YTHDF3: variants seen among roughly 807,000 people sequenced by gnomAD.
YTHDF3 encodes YTH N6-methyladenosine RNA binding protein F3, also known as YTH domain-containing family protein 3.
YTHDF3 carries 9 observed loss-of-function variants against 52.5 expected under a neutral mutation model. That is an observed-to-expected ratio of 0.17 (90% CI 0.10 to 0.30). The LOEUF is 0.30. Among genes scored for constraint, YTHDF3 ranks in the 10% least tolerant of loss-of-function variants. The pLI is 1.00. For missense variants in YTHDF3, 534 were observed against 715.0 expected (o/e 0.75, Z 2.89); for synonymous variants, 274 against 243.3 (o/e 1.13, Z -1.18).
chr8:63,171,267 C>G (rs1317062846), intron 2 of YTHDF3, among the ~76,000 whole-genome samples: 2 of 152,100 alleles, frequency 1.3e-5, no homozygotes, highest in African/African-American at 4.8e-5. Flanking sequence ...CAGAATCTCC[C>G]CTCTATAAAA....
At chr8:63,204,969 C>G (rs912609361) in intron 4 of YTHDF3, among the ~76,000 whole-genome samples, 5 of 152,136 alleles carry the variant, frequency 3.3e-5, no homozygotes, top group African/African-American at 1.2e-4. Flanking sequence ...TGAAGAAAGT[C>G]TTGGTTTTCA....
chr8:63,188,145 A>T (rs1808651301), intron 4 of YTHDF3, among the ~76,000 whole-genome samples: 1 of 151,886 alleles, frequency 6.6e-6, no homozygotes, highest in Non-Finnish European at 1.5e-5. Context: ...TTTTTTTGAG[A>T]TGACATCTTG....
intron 4 of YTHDF3, among the ~76,000 whole-genome samples, chr8:63,192,322 C>T (rs1808964836): frequency 6.6e-6 from 1 of 152,172 alleles, no homozygotes; most frequent in Non-Finnish European, 1.5e-5. Flanking sequence ...CTTTTACCCT[C>T]CCCACCCCGT....
At chr8:63,173,669 C>T in intron 2 of YTHDF3, 4 of 985,116 alleles carry the variant, frequency 4.1e-6, no homozygotes, top group Non-Finnish European at 4.8e-6. Flanking sequence ...AAGCCAGTGT[C>T]AGAGGAGAAC....
intron 4 of YTHDF3, among the ~76,000 whole-genome samples, chr8:63,204,360 TG>T (rs375868007): frequency 6.6e-6 from 1 of 150,530 alleles, no homozygotes; most frequent in Non-Finnish European, 1.5e-5. Context: ...GTGTGTTTGT[TG>T]TTTTTTTTTT....
At chr8:63,170,750 G>T (rs1224449687) in intron 2 of YTHDF3, among the ~76,000 whole-genome samples, 1 of 152,086 alleles carries the variant, frequency 6.6e-6, no homozygotes, top group Non-Finnish European at 1.5e-5. Context: ...TAGATCTGTG[G>T]GGAGGTGGCA....
At chr8:63,188,400 C>T (rs1808669100) in intron 4 of YTHDF3, among the ~76,000 whole-genome samples, 1 of 150,874 alleles carries the variant, frequency 6.6e-6, no homozygotes, top group South Asian at 2.1e-4. Flanking sequence ...GAACATGGCT[C>T]ACTGCAGCCT....
At chr8:63,170,201 C>T (rs1326234394) in intron 2 of YTHDF3, among the ~76,000 whole-genome samples, 1 of 152,084 alleles carries the variant, frequency 6.6e-6, no homozygotes, top group African/African-American at 2.4e-5. Flanking sequence ...AACATCAGAG[C>T]AAATTATATA....
chr8:63,207,662 G>T (rs1810118513), intron 4 of YTHDF3, among the ~76,000 whole-genome samples: 1 of 151,996 alleles, frequency 6.6e-6, no homozygotes, highest in East Asian at 1.9e-4. Context: ...CATAACATGT[G>T]GTCCTCATTG....
At chr8:63,178,986 AT>A (rs1156267636) in intron 3 of YTHDF3, among the ~76,000 whole-genome samples, 1 of 152,150 alleles carries the variant, frequency 6.6e-6, no homozygotes, top group Admixed American at 6.5e-5. Flanking sequence ...CATTTATCTG[AT>A]TTTAAAATTA....
chr8:63,192,150 C>T (rs1808953688), intron 4 of YTHDF3, among the ~76,000 whole-genome samples: 1 of 152,148 alleles, frequency 6.6e-6, no homozygotes, highest in South Asian at 2.1e-4. Flanking sequence ...TTTTTCCATG[C>T]TTCCCCCATG....
chr8:63,202,131 T>C (rs1277875352), intron 4 of YTHDF3, among the ~76,000 whole-genome samples: 7 of 152,248 alleles, frequency 4.6e-5, no homozygotes, highest in Non-Finnish European at 1.0e-4. Context: ...CTGGATAATT[T>C]TGCAATGCTA....
chr8:63,168,718 A>C lies in YTHDF3; in HGVS notation c.-160A>C. The C allele has an allele frequency of 2.8e-6, 4 of 1,411,002 alleles. No homozygotes were observed. The highest frequency in any genetic ancestry group is 3.9e-6 in the Non-Finnish European group (4 of 1,033,070). 87.4% of individuals were successfully genotyped at this position (1,411,002 alleles called of 1,614,324 possible). ...CGGAAAAGACGGGCCTCTTCCTCCG[A>C]CTCCCGAGCGCGAGGCCCTCATTTT... On this transcript the variant is annotated 5_prime_UTR_variant, in exon 1 of 5. Coordinates refer to ENST00000539294, the MANE Select transcript of YTHDF3 (RefSeq NM_152758.6).
At chr8:63,171,613 T>C (rs574822975) in intron 2 of YTHDF3, among the ~76,000 whole-genome samples, 4 of 152,334 alleles carry the variant, frequency 2.6e-5, no homozygotes, top group South Asian at 4.1e-4. Flanking sequence ...GAACCTGATA[T>C]AAGTAGCTAT....
intron 2 of YTHDF3, among the ~76,000 whole-genome samples, chr8:63,174,689 T>A (rs1443807967): frequency 2.0e-5 from 3 of 152,200 alleles, no homozygotes; most frequent in African/African-American, 7.2e-5. Context: ...TGGCTATCTT[T>A]TGTGTCTTAA....
intron 4 of YTHDF3, among the ~76,000 whole-genome samples, chr8:63,203,376 A>G (rs1025699886): frequency 1.3e-5 from 2 of 152,152 alleles, no homozygotes; most frequent in Non-Finnish European, 2.9e-5. Context: ...CTTATAGAAT[A>G]TATATACACA....
rs940376749 is a variant in YTHDF3 at position 63,210,620 on chromosome 8, C to T, written c.*914C>T. 1 of 152,560 alleles carries T rather than the reference C, an allele frequency of 6.6e-6. No individual in the cohort carries two copies. The highest frequency in any genetic ancestry group is 1.5e-5 in the Non-Finnish European group (1 of 67,986). The allele number at this position is 152,560 out of a possible 1,614,324, so 9.5% of individuals were successfully genotyped here. On this transcript the variant is annotated 3_prime_UTR_variant, in exon 5 of 5. Transcript: ENST00000539294. ...TCTAGGTATTCACTAGCTAAATAAA[C>T]ATAGTTCTTGTTTAGCAAGCATATG...
chr8:63,189,408 T>G (rs1429935190), intron 4 of YTHDF3, among the ~76,000 whole-genome samples: 2 of 152,216 alleles, frequency 1.3e-5, no homozygotes, highest in Non-Finnish European at 2.9e-5. Flanking sequence ...TTTAAATTTC[T>G]TTTGAAACTT....
intron 3 of YTHDF3, among the ~76,000 whole-genome samples, chr8:63,182,865 C>T (rs555671087): frequency 5.5e-4 from 83 of 151,366 alleles, no homozygotes; most frequent in Non-Finnish European, 1.1e-3. Context: ...ACAATGTATG[C>T]ATTTGATAAG....
Sources: gnomAD v4.1 joint callset for allele counts (sites outside exome capture counted in the v4.1 genomes callset) on GRCh38, gnomAD v4.1.1 for gene constraint, MANE v1.5 for transcripts, NCBI Gene and HGNC (gene_info 2026-07-23, HGNC 2026-07-21) for gene names.